PHF13: variants seen among roughly 807,000 people sequenced by gnomAD.
PHF13 encodes PHD finger protein 13.
A neutral mutation model predicts 25.8 loss-of-function variants in PHF13; 1 was observed. The observed-to-expected ratio is 0.04, with a 90% CI of 0.01 to 0.18. PHF13 has a LOEUF of 0.18. Among genes scored for constraint, PHF13 ranks in the 10% least tolerant of loss-of-function variants. The pLI, the probability that PHF13 is intolerant of heterozygous loss-of-function variation, is 1.00. For missense variants in PHF13, 306 were observed against 403.2 expected (o/e 0.76, Z 2.06); for synonymous variants, 195 against 162.4 (o/e 1.20, Z -1.53).
Position 6,623,515 on chromosome 1 carries a change from A to C in PHF13, c.*1878A>C, listed in dbSNP as rs1172322918. On this transcript the variant is annotated 3_prime_UTR_variant, in exon 4 of 4. Transcript: ENST00000377648. ...GTGTTTTTCTGCTTTGAAAAAAAAA[A>C]ATTCCACAAGCTTTTAAAGGTGCAT... is the stretch of plus-strand genomic sequence containing the variant. 1 of 152,582 alleles carries C rather than the reference A, an allele frequency of 6.6e-6. No homozygotes were observed. Among genetic ancestry groups the C allele is most frequent in the Non-Finnish European group, 1.5e-5 (1 of 68,048 alleles). The allele number at this position is 152,582 out of a possible 1,614,324, so 9.5% of individuals were successfully genotyped here. A position where few individuals can be genotyped will look rare whatever the true frequency, so the allele number is the denominator to read the frequency against.
Position 6,621,536 on chromosome 1 carries a change from G to A in PHF13, c.802G>A (p.Val268Ile). ...LSCAKIRKSN[V>I]PEVFVCQKCR... ...CTGTGCGAAAATCCGGAAATCCAAT[G>A]TTCCAGAAGTGTTTGTCTGCCAAAA... The change falls in exon 4 of 4, where the codon GTT (valine) becomes ATT (isoleucine). Residue 268 changes from valine to isoleucine, a missense_variant. By Grantham distance (29) the Val-to-Ile change is conservative. Around this residue, in one of 5 missense-constraint regions of PHF13, gnomAD observed 40 missense variants for 71.6 expected, o/e 0.56. Coordinates refer to ENST00000377648, the MANE Select transcript of PHF13 (RefSeq NM_153812.3). The surrounding 1 kb of genome is among the most constrained non-coding windows in gnomAD (Gnocchi z 4.8). 7 of 1,614,188 alleles carry A rather than the reference G, an allele frequency of 4.3e-6. No homozygotes were observed. Among genetic ancestry groups the A allele is most frequent in the South Asian group, 1.1e-5 (1 of 91,088 alleles).
chr1:6,618,992 G>A (rs1641301680), intron 2 of PHF13, among the ~76,000 whole-genome samples: 1 of 152,166 alleles, frequency 6.6e-6, no homozygotes, highest in South Asian at 2.1e-4. Flanking sequence ...GCCACTGTTT[G>A]CAAATGATAT....
intron 3 of PHF13, among the ~76,000 whole-genome samples, chr1:6,620,827 G>C (rs1641327189): frequency 6.6e-6 from 1 of 151,488 alleles, no homozygotes; most frequent in African/African-American, 2.4e-5. Context: ...AGACCAGCCT[G>C]ACCAACATGG....
rs1641271115 is a variant in PHF13 at position 6,616,995 on chromosome 1, T to A, written c.141+137T>A. The A allele has an allele frequency of 2.0e-5, 13 of 661,170 alleles. No homozygotes were observed. The South Asian group carries it at 2.2e-4, about 11-fold the overall frequency. The allele number at this position is 661,170 out of a possible 1,614,324, so 41.0% of individuals were successfully genotyped here. Reference sequence around the variant, plus strand: ...TGCTTGTGGTGACCCCAGTCACTAGTCTGGCAGAAATCTGTTTCTTGAGAG... The same window carrying A: ...TGCTTGTGGTGACCCCAGTCACTAGACTGGCAGAAATCTGTTTCTTGAGAG... On this transcript the variant is annotated intron_variant, in intron 2 of 3. Transcript: ENST00000377648.
chr1:6,616,117 C>T (rs1343905009), intron 1 of PHF13, among the ~76,000 whole-genome samples: 1 of 149,700 alleles, frequency 6.7e-6, no homozygotes, highest in African/African-American at 2.5e-5. Context: ...GTAACCTCCG[C>T]CTCCGGGTTC....
At position 6,623,574 on chromosome 1, in the gene PHF13, C is replaced by G. The variant is rs531963705; in HGVS notation, c.*1937C>G. 2.6e-5 allele frequency: 4 copies of G among 152,602 alleles called. No individual in the cohort carries two copies. The highest frequency in any genetic ancestry group is 9.7e-5 in the African/African-American group (4 of 41,434). The allele number at this position is 152,602 out of a possible 1,614,324, so 9.5% of individuals were successfully genotyped here. On this transcript the variant is annotated 3_prime_UTR_variant, in exon 4 of 4. Coordinates refer to ENST00000377648, the MANE Select transcript of PHF13 (RefSeq NM_153812.3). The stretch of plus-strand genomic sequence containing the variant: ...CCATGTGACTTTAGAATGGAACTGC[C>G]GGCCCTGGCAACTGTCACGTGTGCT...
At chr1:6,617,790 C>T (rs953923199) in intron 2 of PHF13, among the ~76,000 whole-genome samples, 1 of 152,046 alleles carries the variant, frequency 6.6e-6, no homozygotes, top group Non-Finnish European at 1.5e-5. Flanking sequence ...GGACACTATT[C>T]TTGGCCTATG....
chr1:6,619,649 T>C (rs746234105), intron 2 of PHF13, among the ~76,000 whole-genome samples, 154 bp from the exon 3 acceptor site: 19 of 152,184 alleles, frequency 1.2e-4, no homozygotes, highest in South Asian at 4.1e-4. Flanking sequence ...AGAACTCATG[T>C]TACTGTTGCT....
chr1:6,617,136 T>C (rs1355736168), intron 2 of PHF13, among the ~76,000 whole-genome samples: 25 of 152,228 alleles, frequency 1.6e-4, no homozygotes, highest in Admixed American at 1.6e-3. Context: ...GGAAACTTGC[T>C]CTGTCGCCCA....
intron 1 of PHF13, chr1:6,614,444 GCTTA>G (rs1439840742): frequency 4.7e-5 from 14 of 299,352 alleles, no homozygotes; most frequent in African/African-American, 9.1e-5. Context: ...CCGCCGGCCT[GCTTA>G]CTCTTTCCCC....
In PHF13 at chr1:6,623,791, G is replaced by C. The variant is rs1365997747; in HGVS notation, c.*2154G>C. 1.3e-5 allele frequency: 2 copies of C among 152,664 alleles called. No homozygotes were observed. The highest frequency in any genetic ancestry group is 2.9e-5 in the Non-Finnish European group (2 of 68,044). 9.5% of individuals were successfully genotyped at this position (152,664 alleles called of 1,614,324 possible). On this transcript the variant is annotated 3_prime_UTR_variant, in exon 4 of 4. Coordinates refer to ENST00000377648, the MANE Select transcript of PHF13 (RefSeq NM_153812.3). ...TATGCAAATTAGGCACGACCCATCTGTGGTTCCTGGTTGGTGGCTAATGAA... is the reference window on the plus strand; with the variant it reads ...TATGCAAATTAGGCACGACCCATCTCTGGTTCCTGGTTGGTGGCTAATGAA...
intron 2 of PHF13, among the ~76,000 whole-genome samples, chr1:6,618,939 A>C (rs1641300412): frequency 1.3e-5 from 2 of 151,962 alleles, no homozygotes; most frequent in African/African-American, 4.8e-5. Flanking sequence ...GAGCCCCCGC[A>C]CCCAGCCTAA....
chr1:6,621,401 T>A lies in PHF13; in HGVS notation c.677-10T>A, dbSNP rs370729815. On this transcript the variant is annotated splice_polypyrimidine_tract_variant and intron_variant, in intron 3 of 3. Transcript: ENST00000377648. The surrounding 1 kb of genome is among the most constrained non-coding windows in gnomAD (Gnocchi z 4.8). ...TTCTCTTCCCTCCTTGAGAGTATCTTTCCTTCCAGATGACGATTCCTGGGA... is the reference window on the plus strand; with the variant it reads ...TTCTCTTCCCTCCTTGAGAGTATCTATCCTTCCAGATGACGATTCCTGGGA... 4.3e-6 allele frequency: 7 copies of A among 1,613,724 alleles called. No individual in the cohort carries two copies. The African/African-American group carries it at 8.0e-5, about 18-fold the overall frequency.
chr1:6,621,475 C>A lies in PHF13; in HGVS notation c.741C>A (p.Ile247=), dbSNP rs751779157. 12 of 1,613,968 alleles carry A rather than the reference C, an allele frequency of 7.4e-6. No homozygotes were observed. In the Admixed American group the frequency reaches 1.5e-4, roughly 20 times the overall value. Residue 247 remains isoleucine, a synonymous_variant, in exon 4 of 4, where the codon ATC becomes ATA. Transcript: ENST00000377648. The surrounding 1 kb of genome is among the most constrained non-coding windows in gnomAD (Gnocchi z 4.8). Reference sequence around the variant, plus strand: ...AGCCATTTGCCGGCCGCCCCATGATCGAGTGTAATGAGTGCCACACCTGGA... The same window carrying A: ...AGCCATTTGCCGGCCGCCCCATGATAGAGTGTAATGAGTGCCACACCTGGA... The part of the protein sequence containing the change: ...CMKPFAGRPM[I]ECNECHTWIH...
chr1:6,620,780 G>A (rs1468214709), intron 3 of PHF13, among the ~76,000 whole-genome samples: 1 of 152,110 alleles, frequency 6.6e-6, no homozygotes, highest in African/African-American at 2.4e-5. Flanking sequence ...AGCACTTTGG[G>A]AGGCCGAGGC....
chr1:6,617,501 A>C (rs1258746174), intron 2 of PHF13, among the ~76,000 whole-genome samples: 1 of 152,174 alleles, frequency 6.6e-6, no homozygotes, highest in African/African-American at 2.4e-5. Flanking sequence ...GCCGTGGTGC[A>C]ATTGTGGCTC....
At chr1:6,616,130 G>A (rs1641257132) in intron 1 of PHF13, among the ~76,000 whole-genome samples, 2 of 145,132 alleles carry the variant, frequency 1.4e-5, no homozygotes, top group East Asian at 2.1e-4. Flanking sequence ...CCGGGTTCAC[G>A]CGATTCTCCT....
rs571893237 is a variant in PHF13 at position 6,621,969 on chromosome 1, T to G, written c.*332T>G. The G allele has an allele frequency of 1.0e-5, 4 of 395,686 alleles. No homozygotes were observed. The highest frequency in any genetic ancestry group is 9.2e-5 in the South Asian group (4 of 43,432). The allele number at this position is 395,686 out of a possible 1,614,324, so 24.5% of individuals were successfully genotyped here. A position where few individuals can be genotyped will look rare whatever the true frequency, so the allele number is the denominator to read the frequency against. ...TCATTGCTAAGAGATTCCCGCTGAT[T>G]GGGCTCAGTGCCAGCTGTTATTCTG... On this transcript the variant is annotated 3_prime_UTR_variant, in exon 4 of 4. Coordinates refer to ENST00000377648, the MANE Select transcript of PHF13 (RefSeq NM_153812.3). The surrounding 1 kb of genome is among the most constrained non-coding windows in gnomAD (Gnocchi z 4.8).
rs754356261 is a variant in PHF13, at chr1:6,621,673, G to T, written c.*36G>T. Reference sequence around the variant, plus strand: ...GCGAGGAGGCTGCGAGCGTGGAATCGGAAGCGACCGCGGGCTTTTTTGCCC... The same window carrying T: ...GCGAGGAGGCTGCGAGCGTGGAATCTGAAGCGACCGCGGGCTTTTTTGCCC... On this transcript the variant is annotated 3_prime_UTR_variant, in exon 4 of 4. Coordinates refer to ENST00000377648, the MANE Select transcript of PHF13 (RefSeq NM_153812.3). The surrounding 1 kb of genome is among the most constrained non-coding windows in gnomAD (Gnocchi z 4.8). The T allele has an allele frequency of 4.4e-6, 7 of 1,602,786 alleles. No individual in the cohort carries two copies. Among genetic ancestry groups the T allele is most frequent in the Non-Finnish European group, 6.0e-6 (7 of 1,170,736 alleles).
Sources: gnomAD v4.1 joint callset for allele counts (sites outside exome capture counted in the v4.1 genomes callset) on GRCh38, gnomAD v4.1.1 for gene constraint, gnomAD v4.1.1 regional missense constraint, Gnocchi (gnomAD v3.1) non-coding constraint, MANE v1.5 for transcripts, NCBI Gene and HGNC (gene_info 2026-07-23, HGNC 2026-07-21) for gene names.